Variants in TIAM2 observed in about 807,000 individuals in gnomAD.
TIAM2 encodes rho guanine nucleotide exchange factor TIAM2.
Under a neutral mutation model 152.9 loss-of-function variants are expected in TIAM2, and 80 were observed. The observed-to-expected ratio is 0.52, with a 90% CI of 0.44 to 0.63. TIAM2 has a LOEUF of 0.63. Among genes scored for constraint, TIAM2 ranks in the 30% least tolerant of loss-of-function variants. TIAM2 has a pLI of 0.00. For missense variants in TIAM2, 1,965 were observed against 2,120.1 expected, an observed-to-expected ratio of 0.93 and a Z score of 1.44; for synonymous variants, 804 against 838.0, an observed-to-expected ratio of 0.96 and a Z score of 0.70.
rs1400397217 is a variant in TIAM2, at chr6:155,129,791, G to A, written c.568G>A (p.Asp190Asn). 2 of 1,613,744 alleles carry A rather than the reference G, an allele frequency of 1.2e-6. No individual in the cohort carries two copies. Among genetic ancestry groups the A allele is most frequent in the East Asian group, 4.5e-5 (2 of 44,876 alleles). Residue 190 changes from aspartate to asparagine, a missense_variant, in exon 4 of 27, where the codon GAC becomes AAC. This residue lies in a region of TIAM2 where 1,025 missense variants were observed against 1,119.4 expected (regional missense o/e 0.92). Coordinates refer to ENST00000682666, the MANE Select transcript of TIAM2 (RefSeq NM_012454.4). The surrounding 1 kb of genome is among the most constrained non-coding windows in gnomAD (Gnocchi z 4.8). ...CAACCCCAGCAAAGTGCCTGCAGAGGACTGCAGTGAGCCGGTGCAGCTGCT... is the reference window on the plus strand; with the variant it reads ...CAACCCCAGCAAAGTGCCTGCAGAGAACTGCAGTGAGCCGGTGCAGCTGCT... ...GGNPSKVPAE[D>N]CSEPVQLLRY...
chr6:155,133,364 C>A (rs895472330), intron 4 of TIAM2, among the ~76,000 whole-genome samples: 32 of 152,062 alleles, frequency 2.1e-4, no homozygotes, highest in African/African-American at 7.7e-4. Context: ...ACAACAACAA[C>A]AAAACAGCAA....
At position 155,251,036 on chromosome 6, in the gene TIAM2, C is replaced by T. The variant is rs770232396; in HGVS notation, c.4060+15C>T. The T allele has an allele frequency of 8.7e-6, 14 of 1,603,234 alleles. No individual in the cohort carries two copies. In the East Asian group the frequency reaches 3.1e-4, roughly 36 times the overall value. On this transcript the variant is annotated intron_variant, in intron 22 of 26. Transcript: ENST00000682666. ...CACAGTATTTGGTTAGTATTCCATT[C>T]AGAAGAATGCAGACTGAACAGAGGC...
intron 15 of TIAM2, among the ~76,000 whole-genome samples, chr6:155,233,579 C>G (rs1399964727): frequency 6.6e-6 from 1 of 152,194 alleles, no homozygotes; most frequent in Non-Finnish European, 1.5e-5. Flanking sequence ...GCTTAGACGT[C>G]TGCCTGAATT....
chr6:155,019,768 C>T (rs1327183130), intron 1 of TIAM2, among the ~76,000 whole-genome samples: 2 of 152,000 alleles, frequency 1.3e-5, no homozygotes, highest in African/African-American at 2.4e-5. Flanking sequence ...GAAAAGGCAG[C>T]TAGGGGCCGG....
rs1035240472 is a variant in TIAM2, at chr6:155,219,000, C to T, written c.3168+7693C>T. On this transcript the variant is annotated intron_variant, in intron 15 of 26. Coordinates refer to ENST00000682666, the MANE Select transcript of TIAM2 (RefSeq NM_012454.4). This position sits in a 1 kb window ranked among gnomAD's most constrained non-coding sequence, Gnocchi z 4.5. The stretch of plus-strand genomic sequence containing the variant: ...CACCCGTGTTCTTGACCATCTCAGC[C>T]GTGTTCTTGACCATCTCAGCCGCCC... Among the ~76,000 whole-genome samples the T allele has an allele frequency of 1.4e-5, 2 of 145,428 alleles. No individual in the cohort carries two copies. The highest frequency in any genetic ancestry group is 3.0e-5 in the Non-Finnish European group (2 of 65,938).
intron 10 of TIAM2, among the ~76,000 whole-genome samples, chr6:155,178,634 G>A (rs955745757): frequency 2.0e-5 from 3 of 152,048 alleles, no homozygotes; most frequent in African/African-American, 4.8e-5. Flanking sequence ...GAGTGCAGTG[G>A]TGCTACCTCA....
intron 19 of TIAM2, among the ~76,000 whole-genome samples, chr6:155,246,164 C>T (rs757122294): frequency 6.6e-6 from 1 of 151,856 alleles, no homozygotes; most frequent in African/African-American, 2.4e-5. Flanking sequence ...AAAGTAAAGT[C>T]TCTCTGGTGC....
Position 155,183,424 on chromosome 6 carries a change from G to T in TIAM2, c.2988G>T (p.Lys996Asn), listed in dbSNP as rs905396757. 8.7e-6 allele frequency: 14 copies of T among 1,614,168 alleles called. No homozygotes were observed. The South Asian group carries it at 1.5e-4, about 18-fold the overall frequency. The change falls in exon 14 of 27, where the codon AAG becomes AAT. Residue 996 changes from lysine to asparagine, a missense_variant. Physicochemically the swap from Lys to Asn is moderately conservative, Grantham distance 94 (BLOSUM62 0). This residue lies in a region of TIAM2 where 935 missense variants were observed against 980.0 expected (regional missense o/e 0.95). Coordinates refer to ENST00000682666, the MANE Select transcript of TIAM2 (RefSeq NM_012454.4). ...SDSDLFSRDQ[K>N]SLLPPPNQSQ... ...GTGACCTGTTCTCCAGGGACCAGAA[G>T]AGTCTGCTGCCCCCTCCTAACCAGT...
intron 9 of TIAM2, among the ~76,000 whole-genome samples, 179 bp from the exon 10 acceptor site, chr6:155,176,637 T>C (rs1780765023): frequency 6.6e-6 from 1 of 152,262 alleles, no homozygotes; most frequent in Non-Finnish European, 1.5e-5. Flanking sequence ...GGCTGCAGTT[T>C]CATCTGATAA....
rs754710996 is a variant in TIAM2 at position 155,165,243 on chromosome 6, T to G, written c.2215-20T>G. The G allele has an allele frequency of 1.3e-6, 2 of 1,590,998 alleles. No homozygotes were observed. The highest frequency in any genetic ancestry group is 1.9e-5 in the Admixed American group (1 of 53,618). On this transcript the variant is annotated intron_variant, in intron 8 of 26. Transcript: ENST00000682666. ...AAATACTAAGCCTTTAGATTTTTTT[T>G]AAACTGTGTTTTACATTAGGTATGT...
rs542947758 is a variant in TIAM2, at chr6:155,214,013, C to T, written c.3168+2706C>T. On this transcript the variant is annotated intron_variant, in intron 15 of 26. Coordinates refer to ENST00000682666, the MANE Select transcript of TIAM2 (RefSeq NM_012454.4). This position sits in a 1 kb window ranked among gnomAD's most constrained non-coding sequence, Gnocchi z 5.4. ...GCAGAGATGTCTGGGTCCACAGTCG[C>T]GGCTACGTGGCTGCAGCAGTACCCG... is the stretch of plus-strand genomic sequence containing the variant. 1.4e-4 allele frequency among the ~76,000 whole-genome samples: 22 copies of T among 152,332 alleles called. No homozygotes were observed. The highest frequency in any genetic ancestry group is 2.1e-4 in the South Asian group (1 of 4,826).
chr6:155,210,117 G>T (rs1006593113), intron 14 of TIAM2, among the ~76,000 whole-genome samples: 1 of 152,158 alleles, frequency 6.6e-6, no homozygotes, highest in African/African-American at 2.4e-5. Context: ...GATAGAGGCT[G>T]GTCTTTCTGT....
intron 15 of TIAM2, among the ~76,000 whole-genome samples, chr6:155,237,391 G>T (rs1377181623): frequency 4.6e-5 from 7 of 152,198 alleles, no homozygotes; most frequent in Admixed American, 3.3e-4. Flanking sequence ...CTACAGCTTT[G>T]CCAGGCACAG....
intron 14 of TIAM2, among the ~76,000 whole-genome samples, chr6:155,209,674 G>A (rs1781676296): frequency 6.6e-6 from 1 of 152,176 alleles, no homozygotes; most frequent in Non-Finnish European, 1.5e-5. Context: ...AGGTATGACC[G>A]AGATTATCTG....
chr6:155,091,219 C>T (rs1340505258), intron 2 of TIAM2, among the ~76,000 whole-genome samples: 1 of 152,168 alleles, frequency 6.6e-6, no homozygotes, highest in African/African-American at 2.4e-5. Context: ...TACCACGCCA[C>T]GCTCTCTTAG....
rs1778166406 is a variant in TIAM2, at chr6:155,086,111, A to G, written c.-208-4178A>G. Among the ~76,000 whole-genome samples the G allele has an allele frequency of 2.0e-5, 3 of 152,200 alleles. No homozygotes were observed. The South Asian group carries it at 6.2e-4, about 31-fold the overall frequency. On this transcript the variant is annotated intron_variant, in intron 1 of 26. Transcript: ENST00000682666. The stretch of plus-strand genomic sequence containing the variant: ...GCTGGATTGCAGTCCAGCTCAGGGA[A>G]GCTTCATTGTTCACGTGGCACTGGA...
chr6:155,252,943 T>C lies in TIAM2; in HGVS notation c.4120-5T>C, dbSNP rs1451829098. ...CACTTTTCTTGGTGGGCCTTCATGT[T>C]ACAGCCCTCGAATTCCCGGCCTGCA... On this transcript the variant is annotated splice_region_variant and splice_polypyrimidine_tract_variant and intron_variant, in intron 23 of 26. Coordinates refer to ENST00000682666, the MANE Select transcript of TIAM2 (RefSeq NM_012454.4). 1.9e-6 allele frequency: 3 copies of C among 1,613,810 alleles called. No individual in the cohort carries two copies. Among genetic ancestry groups the C allele is most frequent in the Non-Finnish European group, 2.5e-6 (3 of 1,179,750 alleles).
At chr6:154,997,933 C>A (rs563903833) in intron 1 of TIAM2, among the ~76,000 whole-genome samples, 1 of 152,104 alleles carries the variant, frequency 6.6e-6, no homozygotes, top group South Asian at 2.1e-4. Context: ...CCACCGTGTC[C>A]GGCCAGAAAA....
At chr6:155,172,684 ATAT>A (rs1780651256) in intron 9 of TIAM2, among the ~76,000 whole-genome samples, 1 of 13,722 alleles carries the variant, frequency 7.3e-5, no homozygotes, top group Non-Finnish European at 1.2e-4. Flanking sequence ...ATATATATAT[ATAT>A]TTTTTTTTTT....
Sources: allele counts gnomAD v4.1 joint callset (sites outside exome capture counted in the v4.1 genomes callset), GRCh38; gene constraint gnomAD v4.1.1; regional missense constraint gnomAD v4.1.1; non-coding constraint Gnocchi (gnomAD v3.1); transcripts MANE v1.5; gene names NCBI Gene and HGNC (gene_info 2026-07-23, HGNC 2026-07-21).